The following GNPTAB variants were observed in gnomAD, a reference collection of about 807,000 sequenced individuals.
GNPTAB encodes N-acetylglucosamine-1-phosphotransferase subunits alpha/beta.
A neutral mutation model predicts 136.6 loss-of-function variants in GNPTAB; 92 were observed. The observed-to-expected ratio is 0.67, with a 90% CI of 0.57 to 0.80. The LOEUF is 0.80. Ranked by LOEUF, GNPTAB falls within the 30% of genes least tolerant of loss-of-function variation. The pLI is 0.00. For missense variants in GNPTAB, 1,343 were observed against 1,501.8 expected (o/e 0.89, Z 1.75); for synonymous variants, 512 against 535.1 (o/e 0.96, Z 0.60).
chr12:101,789,513 C>G (rs1004060092), intron 3 of GNPTAB, among the ~76,000 whole-genome samples: 10 of 152,140 alleles, frequency 6.6e-5, no homozygotes, highest in Non-Finnish European at 1.3e-4. Flanking sequence ...GAGACAGGGT[C>G]TCACTCTGTC....
chr12:101,769,980 G>T, intron 10 of GNPTAB, 41 bp downstream of exon 10: 3 of 1,583,768 alleles, frequency 1.9e-6, no homozygotes, highest in South Asian at 1.1e-5. Context: ...TTTGCTAAGT[G>T]ACTTCCACGC....
intron 4 of GNPTAB, among the ~76,000 whole-genome samples, chr12:101,787,701 G>A (rs1454826866): frequency 6.6e-6 from 1 of 152,064 alleles, no homozygotes; most frequent in African/African-American, 2.4e-5. Flanking sequence ...ATCACCTGAG[G>A]TCGGGAGTTT....
Position 101,765,261 on chromosome 12 carries a change from C to G in GNPTAB, c.1656G>C (p.Gln552His). The G allele has an allele frequency of 6.2e-7, 1 of 1,613,580 alleles. No individual in the cohort carries two copies. Among genetic ancestry groups the G allele is most frequent in the Non-Finnish European group, 8.5e-7 (1 of 1,179,626 alleles). ...CACCTTTTGGAATAATATAGTGAGT[C>G]TGGTTTGGGAGAAGGATCACTTTAT... ...ELYKVILLPN[Q>H]THYIIPKGEC... is the part of the protein sequence containing the mutation. The change falls in exon 13 of 21, where the codon CAG becomes CAC. Residue 552 changes from glutamine (Q) to histidine (H), a missense_variant. Physicochemically the swap from Gln to His is conservative, Grantham distance 24. Transcript: ENST00000299314.
intron 1 of GNPTAB, among the ~76,000 whole-genome samples, chr12:101,824,405 CATATATATATATATATAT>C (rs373112951): frequency 2.1e-5 from 1 of 47,822 alleles, no homozygotes; most frequent in African/African-American, 1.2e-4. Context: ...GAAATTTCAC[CATATATATATATATATAT>C]ATATATATAT....
In GNPTAB at chr12:101,770,097, A is replaced by G. The variant is rs281864973; in HGVS notation, c.1208T>C (p.Ile403Thr). 6.2e-7 allele frequency: 1 copy of G among 1,614,196 alleles called. No homozygotes were observed. The highest frequency in any genetic ancestry group is 8.5e-7 in the Non-Finnish European group (1 of 1,180,018). Residue 403 changes from isoleucine (I) to threonine (T), a missense_variant, in exon 10 of 21, where the codon ATT becomes ACT. Coordinates refer to ENST00000299314, the MANE Select transcript of GNPTAB (RefSeq NM_024312.5). Reference protein sequence around the residue: ...HRIEGLSQKFIYLNDDVMFGK... With the variant: ...HRIEGLSQKFTYLNDDVMFGK... ...AAACATGACATCATCATTTAGGTAAATAAACTTCTGGGACAGCCCTTCGAT... is the reference window on the plus strand; with the variant it reads ...AAACATGACATCATCATTTAGGTAAGTAAACTTCTGGGACAGCCCTTCGAT...
chr12:101,772,659 G>C (rs1481268384), intron 7 of GNPTAB, among the ~76,000 whole-genome samples: 1 of 152,088 alleles, frequency 6.6e-6, no homozygotes, highest in Non-Finnish European at 1.5e-5. Context: ...GCCGGGTGCT[G>C]GGAGGCAGGC....
chr12:101,802,501 T>C (rs972942882), intron 1 of GNPTAB, among the ~76,000 whole-genome samples: 5 of 152,004 alleles, frequency 3.3e-5, no homozygotes, highest in African/African-American at 1.2e-4. Context: ...CAAGGCTCAC[T>C]GCCATGATCC....
chr12:101,772,455 C>A (rs1953190682), intron 7 of GNPTAB, among the ~76,000 whole-genome samples: 1 of 152,196 alleles, frequency 6.6e-6, no homozygotes, highest in East Asian at 1.9e-4. Flanking sequence ...TCATTTATAT[C>A]TTTTCCCCTT....
intron 13 of GNPTAB, among the ~76,000 whole-genome samples, chr12:101,763,370 G>T (rs574118079): frequency 6.6e-6 from 1 of 152,240 alleles, no homozygotes; most frequent in Admixed American, 6.5e-5. Context: ...TGAGGACATA[G>T]TTCCTCCTTC....
At chr12:101,817,080 T>C (rs1373127874) in intron 1 of GNPTAB, among the ~76,000 whole-genome samples, 1 of 151,988 alleles carries the variant, frequency 6.6e-6, no homozygotes, top group African/African-American at 2.4e-5. Context: ...AGTGATTGGC[T>C]AATAGGTACA....
chr12:101,789,821 T>C lies in GNPTAB; in HGVS notation c.323+117A>G, dbSNP rs1474421003. 4 of 1,046,522 alleles carry C rather than the reference T, an allele frequency of 3.8e-6. No individual in the cohort carries two copies. In the East Asian group the frequency reaches 7.1e-5, roughly 19 times the overall value. The allele number at this position is 1,046,522 out of a possible 1,614,324, so 64.8% of individuals were successfully genotyped here. The stretch of plus-strand genomic sequence containing the variant: ...TAAAAATCAGTTTTACCAGATCCTT[T>C]TGTAGTTCATTAGCATGATGACTGG... On this transcript the variant is annotated intron_variant, in intron 3 of 20. Transcript: ENST00000299314.
intron 10 of GNPTAB, 105 bp downstream of exon 10, chr12:101,769,916 C>G: frequency 8.8e-7 from 1 of 1,138,570 alleles, no homozygotes. Context: ...CAGGTGTGAG[C>G]CACCATGTCT....
intron 18 of GNPTAB, chr12:101,756,514 C>T (rs1479872828): frequency 5.2e-6 from 2 of 384,508 alleles, no homozygotes; most frequent in Non-Finnish European, 5.1e-6. Flanking sequence ...GTCGAGGCTA[C>T]AGTGAGCCAT....
intron 2 of GNPTAB, among the ~76,000 whole-genome samples, chr12:101,792,840 TA>T (rs1162480037): frequency 6.6e-6 from 1 of 152,230 alleles, no homozygotes; most frequent in Non-Finnish European, 1.5e-5. Context: ...CTCTCTTTCC[TA>T]CACCTTCGGG....
At chr12:101,781,529 A>C (rs2137138878) in intron 5 of GNPTAB, among the ~76,000 whole-genome samples, 1 of 152,212 alleles carries the variant, frequency 6.6e-6, no homozygotes, top group Non-Finnish European at 1.5e-5. Flanking sequence ...AACAAAAAAC[A>C]CAAAAACTAG....
At chr12:101,800,390 A>ATTGT (rs1444123876) in intron 1 of GNPTAB, among the ~76,000 whole-genome samples, 1 of 152,016 alleles carries the variant, frequency 6.6e-6, no homozygotes, top group African/African-American at 2.4e-5. Context: ...ACAATTTTAA[A>ATTGT]TCAATGGATA....
In GNPTAB at chr12:101,830,544, G is replaced by C. The variant is rs886048854; in HGVS notation, c.117+15C>G. The C allele has an allele frequency of 1.9e-6, 3 of 1,540,582 alleles. No individual in the cohort carries two copies. Among genetic ancestry groups the C allele is most frequent in the Non-Finnish European group, 2.7e-6 (3 of 1,116,088 alleles). The stretch of plus-strand genomic sequence containing the variant: ...GGTCGAGGCGCCCGGTCCAGGCTGC[G>C]GCGCCGCTACTCACCTCTCCGAACT... On this transcript the variant is annotated intron_variant, in intron 1 of 20. Coordinates refer to ENST00000299314, the MANE Select transcript of GNPTAB (RefSeq NM_024312.5).
intron 2 of GNPTAB, among the ~76,000 whole-genome samples, chr12:101,793,033 C>G (rs1333465741): frequency 6.6e-6 from 1 of 152,192 alleles, no homozygotes; most frequent in African/African-American, 2.4e-5. Context: ...AGGTTACACA[C>G]TTCGCTTTTT....
intron 5 of GNPTAB, among the ~76,000 whole-genome samples, chr12:101,782,628 T>C (rs1328894104): frequency 6.6e-6 from 1 of 152,220 alleles, no homozygotes; most frequent in East Asian, 1.9e-4. Flanking sequence ...CTGCCTGGAA[T>C]GTAAGTCAGA....
Sources: allele counts gnomAD v4.1 joint callset (sites outside exome capture counted in the v4.1 genomes callset), GRCh38; gene constraint gnomAD v4.1.1; transcripts MANE v1.5; gene names NCBI Gene and HGNC (gene_info 2026-07-23, HGNC 2026-07-21).